VTCN1: variants seen among roughly 807,000 people sequenced by gnomAD.
VTCN1 encodes V-set domain containing T cell activation inhibitor 1.
In VTCN1, 26 loss-of-function variants were observed where a neutral mutation model predicts 26.5. The ratio of observed to expected loss-of-function variants is 0.98; its 90% CI spans 0.72 to 1.36. The LOEUF (loss-of-function observed/expected upper bound fraction) is 1.36. VTCN1 is among the 40% of genes most tolerant of loss of function. VTCN1 has a pLI of 0.00. For missense variants in VTCN1, 298 were observed against 337.7 expected (o/e 0.88, Z 0.92); for synonymous variants, 116 against 130.7 (o/e 0.89, Z 0.77).
In VTCN1 at chr1:117,157,092, G is replaced by GATATATATATATATATATAT. The variant is rs145887761; in HGVS notation, c.98-191_98-172dup. 1.5e-3 allele frequency: 847 copies of GATATATATATATATATATAT among 561,176 alleles called. 13 individuals carry two copies. Among genetic ancestry groups the GATATATATATATATATATAT allele is most frequent in the African/African-American group, 7.2e-3 (286 of 39,764 alleles). 34.8% of individuals were successfully genotyped at this position (561,176 alleles called of 1,614,324 possible). On this transcript the variant is annotated intron_variant, in intron 2 of 5. Transcript: ENST00000369458. Reference sequence around the variant, plus strand: ...GAAAGAGCAGGAAGACAATCATTTTGATATATATATATATATATATATAGC... The same window carrying GATATATATATATATATATAT: ...GAAAGAGCAGGAAGACAATCATTTTGATATATATATATATATATATATATATATATATATATATATATAGC...
chr1:117,181,259 A>AG (rs1242146003), intron 1 of VTCN1, among the ~76,000 whole-genome samples: 1 of 152,038 alleles, frequency 6.6e-6, no homozygotes, highest in Non-Finnish European at 1.5e-5. Flanking sequence ...TTTACAAAAA[A>AG]AAAAAAAAAG....
Position 117,146,807 on chromosome 1 carries a change from A to G in VTCN1, c.*45+806T>C, listed in dbSNP as rs1423222187. Reference sequence around the variant, plus strand: ...GGCTATGATGAAATCGTGTTTCAGAATACTTCGATTCTGGCACCGTGTTTC... The same window carrying G: ...GGCTATGATGAAATCGTGTTTCAGAGTACTTCGATTCTGGCACCGTGTTTC... On this transcript the variant is annotated intron_variant, in intron 5 of 5. Transcript: ENST00000369458. This position sits in a 1 kb window ranked among gnomAD's most constrained non-coding sequence, Gnocchi z 4.2. 1.3e-5 allele frequency among the ~76,000 whole-genome samples: 2 copies of G among 152,164 alleles called. No homozygotes were observed. Among genetic ancestry groups the G allele is most frequent in the African/African-American group, 4.8e-5 (2 of 41,428 alleles).
Position 117,143,765 on chromosome 1 carries a change from T to C in VTCN1, c.*1506A>G, listed in dbSNP as rs1452742402. 6.6e-6 allele frequency: 1 copy of C among 152,270 alleles called. No homozygotes were observed. The highest frequency in any genetic ancestry group is 1.5e-5 in the Non-Finnish European group (1 of 68,070). The allele number at this position is 152,270 out of a possible 1,614,324, so 9.4% of individuals were successfully genotyped here. On this transcript the variant is annotated 3_prime_UTR_variant, in exon 6 of 6. Coordinates refer to ENST00000369458, the MANE Select transcript of VTCN1 (RefSeq NM_024626.4). Reference sequence around the variant, plus strand: ...AGTATTCTTTTCCTTCAAAGCTTCATTCCTCAAGGCCTCAATTCAAGCAGT... The same window carrying C: ...AGTATTCTTTTCCTTCAAAGCTTCACTCCTCAAGGCCTCAATTCAAGCAGT...
Position 117,147,696 on chromosome 1 carries a change from C to A in VTCN1, c.811G>T (p.Ala271Ser). 1.2e-6 allele frequency: 2 copies of A among 1,613,944 alleles called. No individual in the cohort carries two copies. Among genetic ancestry groups the A allele is most frequent in the Non-Finnish European group, 1.7e-6 (2 of 1,179,922 alleles). ...AGGTAAGGGCTGAGAGGCAGAAGTG[C>A]CCAGCTGATGGCAAAGAAAGAAGAG... Reference protein sequence around the residue: ...CVSSFFAISWALLPLSPYLML... With the variant: ...CVSSFFAISWSLLPLSPYLML... The change falls in exon 5 of 6, where the codon GCA becomes TCA. Residue 271 changes from alanine to serine, a missense_variant. Ala to Ser is a moderately conservative substitution (Grantham distance 99). Coordinates refer to ENST00000369458, the MANE Select transcript of VTCN1 (RefSeq NM_024626.4). This position sits in a 1 kb window ranked among gnomAD's most constrained non-coding sequence, Gnocchi z 4.6.
At chr1:117,207,079 G>A (rs1649106420) in intron 1 of VTCN1, among the ~76,000 whole-genome samples, 1 of 152,070 alleles carries the variant, frequency 6.6e-6, no homozygotes, top group South Asian at 2.1e-4. Context: ...GCGAGGCACT[G>A]TTTTCTCTGA....
In VTCN1 at chr1:117,148,287, TCAGCTCTGTCACTTAC is replaced by T. The variant is rs561395902; in HGVS notation, c.725-521_725-506del. On this transcript the variant is annotated intron_variant, in intron 4 of 5. Transcript: ENST00000369458. ...ACAATCCTATCTCTTTTATTTCATT[TCAGCTCTGTCACTTAC>T]CAGCTGTGTGACTTTAGGCAAGTTA... 1.2e-4 allele frequency among the ~76,000 whole-genome samples: 18 copies of T among 152,346 alleles called. 1 individual carries two copies. Among genetic ancestry groups the T allele is most frequent in the Admixed American group, 2.6e-4 (4 of 15,308 alleles).
chr1:117,208,445 G>C (rs1258727451), intron 1 of VTCN1, among the ~76,000 whole-genome samples: 1 of 152,144 alleles, frequency 6.6e-6, no homozygotes, highest in Non-Finnish European at 1.5e-5. Flanking sequence ...GGACTTAAGG[G>C]TGGCGCGTTA....
intron 3 of VTCN1, 87 bp from the exon 4 acceptor site, chr1:117,153,456 C>T: frequency 7.4e-7 from 1 of 1,344,170 alleles, no homozygotes; most frequent in Middle Eastern, 2.3e-4. Context: ...CTTAAAAATG[C>T]AGTCATTTTT....
chr1:117,152,067 T>C (rs1651829947), intron 4 of VTCN1, among the ~76,000 whole-genome samples: 1 of 152,190 alleles, frequency 6.6e-6, no homozygotes, highest in Non-Finnish European at 1.5e-5. Context: ...TTGATTTTTG[T>C]TGTTGTTGAG....
At chr1:117,189,682 ATAGC>A (rs1648142161) in intron 1 of VTCN1, among the ~76,000 whole-genome samples, 1 of 152,232 alleles carries the variant, frequency 6.6e-6, no homozygotes, top group African/African-American at 2.4e-5. Flanking sequence ...TTAGTTATCG[ATAGC>A]TAGGTAAATG....
intron 3 of VTCN1, 97 bp from the exon 4 acceptor site, chr1:117,153,466 T>G: frequency 7.4e-7 from 1 of 1,353,222 alleles, no homozygotes; most frequent in Non-Finnish European, 9.8e-7. Context: ...CAGTCATTTT[T>G]TTTTTTTTTT....
chr1:117,149,698 AG>A (rs1184752345), intron 4 of VTCN1, among the ~76,000 whole-genome samples: 1 of 152,190 alleles, frequency 6.6e-6, no homozygotes, highest in African/African-American at 2.4e-5. Context: ...TCAGTATCTC[AG>A]GGGGCTTAAA....
intron 1 of VTCN1, among the ~76,000 whole-genome samples, chr1:117,195,278 A>AATAATG (rs1216515184): frequency 6.7e-6 from 1 of 148,768 alleles, no homozygotes; most frequent in Non-Finnish European, 1.5e-5. Context: ...TAATAATAAT[A>AATAATG]ATAATAATAA....
Position 117,183,466 on chromosome 1 carries a change from A to G in VTCN1, c.33-13295T>C, listed in dbSNP as rs1187801606. Among the ~76,000 whole-genome samples, 2 of 152,368 alleles carry G rather than the reference A, an allele frequency of 1.3e-5. No individual in the cohort carries two copies. Among genetic ancestry groups the G allele is most frequent in the Non-Finnish European group, 2.9e-5 (2 of 68,034 alleles). ...GAAATGATCATTTATCTTTCTCTTT[A>G]AACAGTCTTTTAAAAAATTGTGGTA... On this transcript the variant is annotated intron_variant, in intron 1 of 5. Transcript: ENST00000369458. This position sits in a 1 kb window ranked among gnomAD's most constrained non-coding sequence, Gnocchi z 4.1.
intron 1 of VTCN1, among the ~76,000 whole-genome samples, chr1:117,180,675 C>T (rs1647629924): frequency 2.0e-5 from 3 of 152,226 alleles, no homozygotes; most frequent in Admixed American, 2.0e-4. Flanking sequence ...CTCACAGCAC[C>T]TGGGTGGGAT....
chr1:117,173,008 A>G (rs1557868283), intron 1 of VTCN1, among the ~76,000 whole-genome samples: 1 of 152,188 alleles, frequency 6.6e-6, no homozygotes, highest in Non-Finnish European at 1.5e-5. Flanking sequence ...CGCTCTTCAC[A>G]GTAAATCTTG....
chr1:117,197,066 G>C (rs1648548414), intron 1 of VTCN1, among the ~76,000 whole-genome samples: 2 of 152,130 alleles, frequency 1.3e-5, no homozygotes, highest in African/African-American at 4.8e-5. Flanking sequence ...ATATTAAAAA[G>C]ATTCTCTTGC....
rs1357111156 is a variant in VTCN1 at position 117,155,939 on chromosome 1, T to C, written c.445+635A>G. 6.6e-6 allele frequency among the ~76,000 whole-genome samples: 1 copy of C among 152,214 alleles called. No individual in the cohort carries two copies. Among genetic ancestry groups the C allele is most frequent in the African/African-American group, 2.4e-5 (1 of 41,456 alleles). ...ATTATTATCATTTACAGACTTTTATTATCTCTGTCCTGACCCCTAACTCTG... is the reference window on the plus strand; with the variant it reads ...ATTATTATCATTTACAGACTTTTATCATCTCTGTCCTGACCCCTAACTCTG... On this transcript the variant is annotated intron_variant, in intron 3 of 5. Transcript: ENST00000369458. The surrounding 1 kb of genome is among the most constrained non-coding windows in gnomAD (Gnocchi z 4.8).
At chr1:117,160,184 G>A (rs1447191047) in intron 2 of VTCN1, among the ~76,000 whole-genome samples, 2 of 152,178 alleles carry the variant, frequency 1.3e-5, no homozygotes, top group Non-Finnish European at 2.9e-5. Flanking sequence ...GAGAAAAATG[G>A]AAAGAGTCTT....
Sources: gnomAD v4.1 joint callset for allele counts (sites outside exome capture counted in the v4.1 genomes callset) on GRCh38, gnomAD v4.1.1 for gene constraint, Gnocchi (gnomAD v3.1) non-coding constraint, MANE v1.5 for transcripts, NCBI Gene and HGNC (gene_info 2026-07-23, HGNC 2026-07-21) for gene names.